Variants in GFOD1 observed in about 807,000 individuals in gnomAD.
GFOD1 encodes Gfo/Idh/MocA-like oxidoreductase domain containing 1.
A neutral mutation model predicts 25.4 loss-of-function variants in GFOD1; 9 were observed. The ratio of observed to expected loss-of-function variants is 0.35; its 90% CI spans 0.21 to 0.62. The LOEUF is 0.62. Among genes scored for constraint, GFOD1 ranks in the 20% least tolerant of loss-of-function variants. The probability of loss-of-function intolerance (pLI) is 0.72; values close to 1 mark genes in which losing one functional copy is unlikely to be tolerated. For missense variants in GFOD1, 403 were observed against 556.9 expected (o/e 0.72, Z 2.78); for synonymous variants, 253 against 245.6 (o/e 1.03, Z -0.28).
At chr6:13,421,726 T>G (rs1786260480) in intron 1 of GFOD1, among the ~76,000 whole-genome samples, 1 of 152,178 alleles carries the variant, frequency 6.6e-6, no homozygotes, top group African/African-American at 2.4e-5. Context: ...ATCAGCATTT[T>G]TAGGATCTAT....
At chr6:13,373,741 A>ACACACACACACAC (rs1554199339) in intron 1 of GFOD1, among the ~76,000 whole-genome samples, 3 of 129,596 alleles carry the variant, frequency 2.3e-5, no homozygotes, top group African/African-American at 9.1e-5. Flanking sequence ...CTGCTCCCCC[A>ACACACACACACAC]ACACACACAC....
At chr6:13,403,110 T>C (rs867397583) in intron 1 of GFOD1, among the ~76,000 whole-genome samples, 1 of 120,348 alleles carries the variant, frequency 8.3e-6, no homozygotes, top group South Asian at 2.5e-4. Flanking sequence ...GTGTGTGTGG[T>C]TTTTTTTTTT....
intron 1 of GFOD1, among the ~76,000 whole-genome samples, chr6:13,439,312 C>G (rs570747786): frequency 3.3e-5 from 5 of 152,326 alleles, no homozygotes; most frequent in Admixed American, 3.3e-4. Context: ...GAAAGTGGCA[C>G]AGTTGTCAGA....
rs1554199406 is a variant in GFOD1, at chr6:13,374,273, T to TTTG, written c.254-8612_254-8611insCAA. 6.2e-3 allele frequency among the ~76,000 whole-genome samples: 836 copies of TTTG among 134,394 alleles called. 10 individuals are homozygous for TTTG. The highest frequency in any genetic ancestry group is 0.023 in the African/African-American group (788 of 34,412). 88.2% of individuals were successfully genotyped at this position (134,394 alleles called of 152,430 possible). A position where few individuals can be genotyped will look rare whatever the true frequency, so the allele number is the denominator to read the frequency against. On this transcript the variant is annotated intron_variant, in intron 1 of 1. Transcript: ENST00000379287. ...GTCTTTTTAAAAATATGTTTTTTTTTTGTGTGTGTGTGTGTGTGTGTGTGT... is the reference window on the plus strand; with the variant it reads ...GTCTTTTTAAAAATATGTTTTTTTTTTTGTGTGTGTGTGTGTGTGTGTGTGTGT...
At chr6:13,405,665 G>A (rs535515330) in intron 1 of GFOD1, among the ~76,000 whole-genome samples, 1 of 152,258 alleles carries the variant, frequency 6.6e-6, no homozygotes, top group East Asian at 1.9e-4. Flanking sequence ...GGTTTTGGTG[G>A]TCTTGCTGGT....
intron 1 of GFOD1, among the ~76,000 whole-genome samples, chr6:13,433,664 G>A: frequency 6.6e-6 from 1 of 152,102 alleles, no homozygotes; most frequent in Non-Finnish European, 1.5e-5. Flanking sequence ...GGTTGGGGTG[G>A]GGGAAGTTTT....
chr6:13,393,663 A>G (rs1785662409), intron 1 of GFOD1, among the ~76,000 whole-genome samples: 1 of 152,168 alleles, frequency 6.6e-6, no homozygotes, highest in South Asian at 2.1e-4. Context: ...TTAATTTTTA[A>G]AAAAATCATT....
chr6:13,376,489 A>C (rs2087539079), intron 1 of GFOD1, among the ~76,000 whole-genome samples: 1 of 152,196 alleles, frequency 6.6e-6, no homozygotes, highest in Non-Finnish European at 1.5e-5. Flanking sequence ...ACAGAGCCAG[A>C]GTCTCATAAG....
chr6:13,486,050 C>T (rs1356486703), intron 1 of GFOD1: 2 of 985,738 alleles, frequency 2.0e-6, no homozygotes, highest in Non-Finnish European at 1.2e-6. Context: ...ATGGTAACAT[C>T]TGCAATCTCA....
intron 1 of GFOD1, among the ~76,000 whole-genome samples, chr6:13,463,793 T>A (rs545078244): frequency 6.6e-6 from 1 of 152,358 alleles, no homozygotes; most frequent in East Asian, 1.9e-4. Context: ...AGTATATATA[T>A]GCTATATAGG....
intron 1 of GFOD1, among the ~76,000 whole-genome samples, chr6:13,381,378 A>G (rs1460794477): frequency 6.6e-6 from 1 of 152,138 alleles, no homozygotes; most frequent in Non-Finnish European, 1.5e-5. Flanking sequence ...GCTAGGAGTT[A>G]AGTTTTCATA....
intron 1 of GFOD1, among the ~76,000 whole-genome samples, chr6:13,390,784 GAAGGAAGGAAGGAAGGAAGGAAGGAAGGA>G (rs1785583791): frequency 8.0e-6 from 1 of 125,242 alleles, no homozygotes; most frequent in Non-Finnish European, 1.8e-5. Context: ...AGAGAGAAAG[GAAGGAAGGAAGGAAGGAAGGAAGGAAGGA>G]AGGAAGGAAG....
rs1006615734 is a variant in GFOD1 at position 13,409,167 on chromosome 6, GAA to G, written c.254-43507_254-43506del. 4.6e-4 allele frequency among the ~76,000 whole-genome samples: 2 copies of G among 4,332 alleles called. 1 individual carries two copies. The highest frequency in any genetic ancestry group is 7.5e-3 in the Non-Finnish European group (2 of 268). 2.8% of individuals were successfully genotyped at this position (4,332 alleles called of 152,430 possible). ...AAAGAAAGAGAGGAAAGAAAGAAAG[GAA>G]AGAGAGAGAGAGAGAGAAAGAAAGA... On this transcript the variant is annotated intron_variant, in intron 1 of 1. Coordinates refer to ENST00000379287, the MANE Select transcript of GFOD1 (RefSeq NM_018988.4).
At chr6:13,418,703 A>G (rs1786202001) in intron 1 of GFOD1, among the ~76,000 whole-genome samples, 1 of 152,202 alleles carries the variant, frequency 6.6e-6, no homozygotes, top group Non-Finnish European at 1.5e-5. Flanking sequence ...TAAAGCTGGC[A>G]CACATCTTAG....
chr6:13,443,980 A>T (rs1022198333), intron 1 of GFOD1, among the ~76,000 whole-genome samples: 7 of 152,082 alleles, frequency 4.6e-5, no homozygotes, highest in African/African-American at 1.4e-4. Flanking sequence ...AGCAAATTAA[A>T]ATATTTGGGA....
chr6:13,365,667 G>C lies in GFOD1; in HGVS notation c.254-5C>G. 1 of 1,588,070 alleles carries C rather than the reference G, an allele frequency of 6.3e-7. No homozygotes were observed. Among genetic ancestry groups the C allele is most frequent in the Non-Finnish European group, 8.5e-7 (1 of 1,170,944 alleles). ...AGATGACGTTCTTGCCGATGCCTGC[G>C]GGTGGGAGGAAGACAGCGGTCAGCG... On this transcript the variant is annotated splice_region_variant and splice_polypyrimidine_tract_variant and intron_variant, in intron 1 of 1. Transcript: ENST00000379287. This position sits in a 1 kb window ranked among gnomAD's most constrained non-coding sequence, Gnocchi z 9.2.
chr6:13,472,316 A>G (rs1348409615), intron 1 of GFOD1, among the ~76,000 whole-genome samples: 5 of 152,210 alleles, frequency 3.3e-5, no homozygotes, highest in Non-Finnish European at 5.9e-5. Context: ...ACATGTGGCT[A>G]ATGGCTACCA....
At chr6:13,465,818 T>C (rs953234423) in intron 1 of GFOD1, among the ~76,000 whole-genome samples, 2 of 152,148 alleles carry the variant, frequency 1.3e-5, no homozygotes, top group Admixed American at 6.5e-5. Context: ...CCTAAAAATG[T>C]TTTAAGGAAA....
intron 1 of GFOD1, among the ~76,000 whole-genome samples, chr6:13,405,610 G>A (rs1343303747): frequency 6.6e-6 from 1 of 152,168 alleles, no homozygotes; most frequent in African/African-American, 2.4e-5. Context: ...GGTTACATAG[G>A]AAAAGAACCT....
Sources: allele counts gnomAD v4.1 joint callset (sites outside exome capture counted in the v4.1 genomes callset), GRCh38; gene constraint gnomAD v4.1.1; non-coding constraint Gnocchi (gnomAD v3.1); transcripts MANE v1.5; gene names NCBI Gene and HGNC (gene_info 2026-07-23, HGNC 2026-07-21).